Variants in JAKMIP3 observed in about 807,000 individuals in gnomAD.
The protein encoded by JAKMIP3 is Janus kinase and microtubule interacting protein 3.
JAKMIP3 carries 58 observed loss-of-function variants against 118.5 expected under a neutral mutation model. That is an observed-to-expected ratio of 0.49 (90% CI 0.40 to 0.61). JAKMIP3 has a LOEUF of 0.61. JAKMIP3 is among the 20% of genes least tolerant of loss of function. The pLI is 0.00. For missense variants in JAKMIP3, 950 were observed against 1,109.0 expected (o/e 0.86, Z 2.04); for synonymous variants, 486 against 451.2 (o/e 1.08, Z -0.98).
At chr10:132,116,417 G>A (rs1323864378) in intron 2 of JAKMIP3, among the ~76,000 whole-genome samples, 2 of 147,804 alleles carry the variant, frequency 1.4e-5, no homozygotes, top group Admixed American at 6.8e-5. Flanking sequence ...ACATTCAGGT[G>A]TGAGTGTGTG....
At chr10:132,108,715 A>C (rs1400503791) in intron 2 of JAKMIP3, among the ~76,000 whole-genome samples, 2 of 151,790 alleles carry the variant, frequency 1.3e-5, no homozygotes, top group Non-Finnish European at 2.9e-5. Flanking sequence ...CATTTAAAAC[A>C]TTCAATGCCA....
At chr10:132,137,216 C>T in intron 7 of JAKMIP3, 38 bp from the exon 8 acceptor site, 2 of 1,613,872 alleles carry the variant, frequency 1.2e-6, no homozygotes, top group Non-Finnish European at 1.7e-6. Context: ...TAACAGGGAC[C>T]CTGAGCAATT....
At chr10:132,121,443 G>A (rs550741282) in intron 3 of JAKMIP3, among the ~76,000 whole-genome samples, 16 of 152,316 alleles carry the variant, frequency 1.1e-4, no homozygotes, top group African/African-American at 3.6e-4. Flanking sequence ...AGCACGGGCC[G>A]GCACCTGAGT....
At chr10:132,150,086 C>T (rs2055793511) in intron 16 of JAKMIP3, 45 bp downstream of exon 16, 1 of 1,505,954 alleles carries the variant, frequency 6.6e-7, no homozygotes, top group Non-Finnish European at 9.1e-7. Context: ...CACCCACAAC[C>T]CCCAGCCCAG....
In JAKMIP3 at chr10:132,117,930, C is replaced by T. The variant is rs889352398; in HGVS notation, c.633+356C>T. 2.0e-5 allele frequency among the ~76,000 whole-genome samples: 3 copies of T among 152,172 alleles called. No individual in the cohort carries two copies. Among genetic ancestry groups the T allele is most frequent in the East Asian group, 1.9e-4 (1 of 5,192 alleles). On this transcript the variant is annotated intron_variant, in intron 3 of 23. Coordinates refer to ENST00000684848, the MANE Select transcript of JAKMIP3 (RefSeq NM_001323087.2). This position sits in a 1 kb window ranked among gnomAD's most constrained non-coding sequence, Gnocchi z 8.6. ...CTGCCCATCCACACCGCAGGGTTCA[C>T]GGACATCTCTTCTTAGTGTCCCGGG...
intron 1 of JAKMIP3, among the ~76,000 whole-genome samples, chr10:132,082,050 T>G (rs2041841134): frequency 6.6e-6 from 1 of 151,862 alleles, no homozygotes; most frequent in Non-Finnish European, 1.5e-5. Flanking sequence ...GAGTCCCAGG[T>G]CTCTGCTCAT....
intron 13 of JAKMIP3, among the ~76,000 whole-genome samples, chr10:132,146,333 A>G (rs2054607206): frequency 6.6e-6 from 1 of 152,032 alleles, no homozygotes. Context: ...TGCTCCCTGC[A>G]CTGGGTTAAA....
At position 132,100,287 on chromosome 10, in the gene JAKMIP3, T is replaced by C. The variant is rs1161783329; in HGVS notation, c.-137-4385T>C. Among the ~76,000 whole-genome samples the C allele has an allele frequency of 2.6e-5, 4 of 152,170 alleles. No homozygotes were observed. The East Asian group carries it at 7.7e-4, about 29-fold the overall frequency. On this transcript the variant is annotated intron_variant, in intron 1 of 23. Transcript: ENST00000684848. ...ATGGTCTGGGACTCAGTGCAGAGTG[T>C]GCCACGTGGGGCCGAGCCCTTGGCA... is the stretch of plus-strand genomic sequence containing the variant.
At chr10:132,171,652 CTTT>C (rs34371364) in intron 23 of JAKMIP3, among the ~76,000 whole-genome samples, 12 of 135,738 alleles carry the variant, frequency 8.8e-5, no homozygotes, top group Non-Finnish European at 6.3e-5. Flanking sequence ...TTTTTTCTTT[CTTT>C]TTTTTTTTTT....
intron 19 of JAKMIP3, among the ~76,000 whole-genome samples, chr10:132,154,821 C>T (rs56227733): frequency 1.6e-5 from 2 of 121,388 alleles, no homozygotes; most frequent in Non-Finnish European, 1.8e-5. Flanking sequence ...ATTGTGCTGG[C>T]AATGGCAATG....
At chr10:132,165,331 C>T (rs2058785913) in intron 21 of JAKMIP3, among the ~76,000 whole-genome samples, 1 of 152,168 alleles carries the variant, frequency 6.6e-6, no homozygotes, top group South Asian at 2.1e-4. Context: ...GAGTCTCTCC[C>T]GGGGTTGCCT....
chr10:132,092,172 C>T lies in JAKMIP3; in HGVS notation c.-137-12500C>T, dbSNP rs372331948. 1.4e-4 allele frequency among the ~76,000 whole-genome samples: 20 copies of T among 145,552 alleles called. No individual in the cohort carries two copies. The East Asian group carries it at 1.6e-3, about 12-fold the overall frequency. On this transcript the variant is annotated intron_variant, in intron 1 of 23. Transcript: ENST00000684848. ...GATGGGCTTCCCTTTGTGGGTAACC[C>T]GACCTTTCTCTCTGGCTGCCCTTAA...
chr10:132,176,997 G>A (rs1035511221), intron 23 of JAKMIP3, among the ~76,000 whole-genome samples: 6 of 152,064 alleles, frequency 3.9e-5, no homozygotes, highest in African/African-American at 1.2e-4. Flanking sequence ...TTTACCAAGG[G>A]CGAAGGTGTT....
At chr10:132,162,977 C>T (rs1256010332) in intron 19 of JAKMIP3, among the ~76,000 whole-genome samples, 8 of 152,212 alleles carry the variant, frequency 5.3e-5, no homozygotes, top group Admixed American at 3.9e-4. Context: ...GGGTCAGGGT[C>T]CTGGCTCTTG....
At chr10:132,070,179 C>A (rs2039606862) in intron 1 of JAKMIP3, among the ~76,000 whole-genome samples, 1 of 152,012 alleles carries the variant, frequency 6.6e-6, no homozygotes, top group Non-Finnish European at 1.5e-5. Flanking sequence ...CAGAGTTTCA[C>A]TCTTGTTGCC....
chr10:132,179,336 G>A lies in JAKMIP3; in HGVS notation c.*1104-3021G>A, dbSNP rs370298547. Among the ~76,000 whole-genome samples the A allele has an allele frequency of 5.3e-5, 8 of 152,184 alleles. No individual in the cohort carries two copies. The East Asian group carries it at 1.4e-3, about 26-fold the overall frequency. On this transcript the variant is annotated intron_variant, in intron 23 of 23. Coordinates refer to ENST00000684848, the MANE Select transcript of JAKMIP3 (RefSeq NM_001323087.2). The surrounding 1 kb of genome is among the most constrained non-coding windows in gnomAD (Gnocchi z 4.3). The stretch of plus-strand genomic sequence containing the variant: ...GCTCCCCGGGCTCTGAGCTGGTTGG[G>A]GCTCCACCTGCACTATGCCTGAGCT...
intron 9 of JAKMIP3, among the ~76,000 whole-genome samples, chr10:132,138,703 G>A (rs1306454568): frequency 1.3e-5 from 2 of 152,358 alleles, no homozygotes; most frequent in African/African-American, 4.8e-5. Flanking sequence ...GCAATGAAGA[G>A]GTGCCGGCTC....
upstream of JAKMIP3, among the ~76,000 whole-genome samples, chr10:132,064,530 C>T (rs986200295): frequency 5.3e-5 from 8 of 152,288 alleles, no homozygotes; most frequent in Admixed American, 1.3e-4. This position sits in a 1 kb window ranked among gnomAD's most constrained non-coding sequence, Gnocchi z 4.4. Flanking sequence ...AATCCAGCTC[C>T]GGGACCTGAC....
intron 23 of JAKMIP3, among the ~76,000 whole-genome samples, chr10:132,173,046 T>C (rs1247495701): frequency 5.9e-4 from 2 of 3,368 alleles, no homozygotes; most frequent in Non-Finnish European, 1.3e-3. Flanking sequence ...TCTCTCTCCC[T>C]CTCTCTCTCC....
Sources: allele counts gnomAD v4.1 joint callset (sites outside exome capture counted in the v4.1 genomes callset), GRCh38; gene constraint gnomAD v4.1.1; non-coding constraint Gnocchi (gnomAD v3.1); transcripts MANE v1.5; gene names NCBI Gene and HGNC (gene_info 2026-07-23, HGNC 2026-07-21).